The following RFX3 variants were observed in gnomAD, a reference collection of about 807,000 sequenced individuals.
The protein encoded by RFX3 is transcription factor RFX3.
A neutral mutation model predicts 98.6 loss-of-function variants in RFX3; 14 were observed. The observed-to-expected ratio is 0.14, with a 90% CI of 0.09 to 0.22. The LOEUF (loss-of-function observed/expected upper bound fraction) is 0.22. Among genes scored for constraint, RFX3 ranks in the 10% least tolerant of loss-of-function variants. The pLI, the probability that RFX3 is intolerant of heterozygous loss-of-function variation, is 1.00. For synonymous variants in RFX3, 383 were observed against 328.4 expected (o/e 1.17, Z -1.80); for missense variants, 639 against 926.9 (o/e 0.69, Z 4.03).
At chr9:3,323,746 T>G (rs747930526) in intron 4 of RFX3, among the ~76,000 whole-genome samples, 2 of 152,212 alleles carry the variant, frequency 1.3e-5, no homozygotes, top group Non-Finnish European at 2.9e-5. Context: ...GCTTTAAAAT[T>G]CAGAGGAATT....
chr9:3,361,597 G>A (rs557573344), intron 2 of RFX3, among the ~76,000 whole-genome samples: 3 of 150,518 alleles, frequency 2.0e-5, no homozygotes, highest in East Asian at 3.9e-4. Flanking sequence ...TGAGGCGGGA[G>A]GACTGTTTGA....
At chr9:3,395,116 C>T (rs1840721509) in intron 2 of RFX3, among the ~76,000 whole-genome samples, 1 of 152,078 alleles carries the variant, frequency 6.6e-6, no homozygotes, top group Non-Finnish European at 1.5e-5. Context: ...TATAATATTG[C>T]TGACATTTCA....
At chr9:3,440,820 C>T (rs973640005) in intron 1 of RFX3, among the ~76,000 whole-genome samples, 2 of 152,118 alleles carry the variant, frequency 1.3e-5, no homozygotes, top group African/African-American at 4.8e-5. Context: ...GCTAACACTA[C>T]CTGATTTGAA....
At chr9:3,359,784 A>G (rs908991458) in intron 2 of RFX3, among the ~76,000 whole-genome samples, 1 of 152,136 alleles carries the variant, frequency 6.6e-6, no homozygotes, top group African/African-American at 2.4e-5. Context: ...AACTGATATG[A>G]TCACTTTTAA....
chr9:3,464,226 T>A (rs1847987626), intron 1 of RFX3, among the ~76,000 whole-genome samples: 1 of 152,206 alleles, frequency 6.6e-6, no homozygotes, highest in Non-Finnish European at 1.5e-5. Context: ...TGGCAGTTAC[T>A]TCGAAAAGTT....
At chr9:3,320,355 C>T (rs376432042) in intron 4 of RFX3, among the ~76,000 whole-genome samples, 18 of 151,948 alleles carry the variant, frequency 1.2e-4, no homozygotes, top group African/African-American at 4.1e-4. Flanking sequence ...GAGTTTGAGA[C>T]CAGCCTGGCC....
In RFX3 at chr9:3,227,757, T is replaced by C. The variant is rs531589742; in HGVS notation, c.2011+1090A>G. ...CTAAAATTACTAATTAATATCATCA[T>C]TGACTTATTTTTCTAAGGGTTATTT... On this transcript the variant is annotated intron_variant, in intron 16 of 16. Coordinates refer to ENST00000617270, the MANE Select transcript of RFX3 (RefSeq NM_001282116.2). Among the ~76,000 whole-genome samples, 5 of 152,334 alleles carry C rather than the reference T, an allele frequency of 3.3e-5. No homozygotes were observed. The South Asian group carries it at 8.3e-4, about 25-fold the overall frequency.
At chr9:3,519,798 T>C (rs1343746834) in intron 1 of RFX3, among the ~76,000 whole-genome samples, 3 of 152,192 alleles carry the variant, frequency 2.0e-5, no homozygotes, top group Non-Finnish European at 2.9e-5. Flanking sequence ...TTTTAACTGA[T>C]TTGTTTTCAC....
rs537572668 is a variant in RFX3 at position 3,252,868 on chromosome 9, A to G, written c.1814+4123T>C. On this transcript the variant is annotated intron_variant, in intron 14 of 16. Coordinates refer to ENST00000617270, the MANE Select transcript of RFX3 (RefSeq NM_001282116.2). ...AAAAAATACTGACATGTATGTCATG[A>G]AATTATTGTCATATGTTTAGAAAAG... is the stretch of plus-strand genomic sequence containing the variant. 6.0e-4 allele frequency among the ~76,000 whole-genome samples: 92 copies of G among 152,262 alleles called. 1 individual carries two copies. Among genetic ancestry groups the G allele is most frequent in the Non-Finnish European group, 8.4e-4 (57 of 68,040 alleles).
At chr9:3,403,268 T>G (rs1270586507) in intron 1 of RFX3, among the ~76,000 whole-genome samples, 1 of 152,136 alleles carries the variant, frequency 6.6e-6, no homozygotes, top group Non-Finnish European at 1.5e-5. Context: ...AATTTATTCA[T>G]TGTAAAACAC....
chr9:3,223,275 G>A lies in RFX3; in HGVS notation c.*1767C>T, dbSNP rs1563757453. On this transcript the variant is annotated 3_prime_UTR_variant, in exon 17 of 17. Transcript: ENST00000617270. ...CATTAAATAATTTGAGTGCTTAAAA[G>A]AACCTTGGCTTTTCATGCAAATTAA... is the stretch of plus-strand genomic sequence containing the variant. 6.6e-6 allele frequency: 1 copy of A among 152,062 alleles called. No individual in the cohort carries two copies. 9.4% of individuals were successfully genotyped at this position (152,062 alleles called of 1,614,324 possible).
At chr9:3,267,486 C>T (rs1379303664) in intron 11 of RFX3, among the ~76,000 whole-genome samples, 2 of 151,892 alleles carry the variant, frequency 1.3e-5, no homozygotes, top group Non-Finnish European at 2.9e-5. Flanking sequence ...AAGTTATTTG[C>T]AAACAATATA....
chr9:3,350,252 G>A (rs1381419254), intron 2 of RFX3, among the ~76,000 whole-genome samples: 2 of 152,038 alleles, frequency 1.3e-5, no homozygotes, highest in East Asian at 1.9e-4. Context: ...TTTACAAAGA[G>A]CTCTTAAAAC....
At chr9:3,335,961 T>A (rs941334554) in intron 3 of RFX3, among the ~76,000 whole-genome samples, 9 of 152,212 alleles carry the variant, frequency 5.9e-5, no homozygotes, top group Non-Finnish European at 1.2e-4. Flanking sequence ...AACCAGTTTT[T>A]TTCTGTTTTC....
intron 11 of RFX3, 115 bp downstream of exon 11, chr9:3,270,256 T>A: frequency 9.0e-7 from 1 of 1,105,430 alleles, no homozygotes; most frequent in Non-Finnish European, 1.3e-6. Flanking sequence ...ATGTTTTCTA[T>A]CTGGCAAATC....
intron 4 of RFX3, among the ~76,000 whole-genome samples, chr9:3,328,464 C>T (rs986304808): frequency 6.6e-6 from 1 of 152,004 alleles, no homozygotes; most frequent in African/African-American, 2.4e-5. Context: ...TAGTAGCAAT[C>T]CCCTTGTAAT....
At chr9:3,405,787 T>C (rs1008396794) in intron 1 of RFX3, among the ~76,000 whole-genome samples, 1 of 152,148 alleles carries the variant, frequency 6.6e-6, no homozygotes, top group African/African-American at 2.4e-5. Context: ...GGCCACTACC[T>C]ATAATAGGTT....
intron 2 of RFX3, among the ~76,000 whole-genome samples, chr9:3,370,856 G>T (rs1280395139): frequency 6.6e-6 from 1 of 151,904 alleles, no homozygotes; most frequent in Non-Finnish European, 1.5e-5. Flanking sequence ...TATGATGTGG[G>T]GTGTTTCCTC....
At chr9:3,296,141 T>A (rs1827956276) in intron 5 of RFX3, among the ~76,000 whole-genome samples, 1 of 151,964 alleles carries the variant, frequency 6.6e-6, no homozygotes, top group South Asian at 2.1e-4. Flanking sequence ...TACTGTAAAT[T>A]ACCTTTTATA....
Sources: gnomAD v4.1 joint callset for allele counts (sites outside exome capture counted in the v4.1 genomes callset) on GRCh38, gnomAD v4.1.1 for gene constraint, MANE v1.5 for transcripts, NCBI Gene and HGNC (gene_info 2026-07-23, HGNC 2026-07-21) for gene names.